Variants in TRERF1 observed in about 807,000 individuals in gnomAD.
TRERF1 encodes transcriptional regulating factor 1.
In TRERF1, 27 loss-of-function variants were observed where a neutral mutation model predicts 122.9. That is an observed-to-expected ratio of 0.22 (90% CI 0.16 to 0.30). The LOEUF (loss-of-function observed/expected upper bound fraction) is 0.30. Among genes scored for constraint, TRERF1 ranks in the 10% least tolerant of loss-of-function variants. The pLI, the probability that TRERF1 is intolerant of heterozygous loss-of-function variation, is 1.00. For synonymous variants in TRERF1, 636 were observed against 641.7 expected, an observed-to-expected ratio of 0.99 and a Z score of 0.13; for missense variants, 1,248 against 1,560.3, an observed-to-expected ratio of 0.80 and a Z score of 3.37.
intron 3 of TRERF1, among the ~76,000 whole-genome samples, chr6:42,332,399 T>C (rs933682407): frequency 5.3e-5 from 8 of 151,996 alleles, no homozygotes; most frequent in Admixed American, 2.0e-4. Context: ...GAAAACAGAC[T>C]AGCTATTACA....
At chr6:42,257,983 T>G in intron 10 of TRERF1, 152 bp downstream of exon 10, 1 of 634,138 alleles carries the variant, frequency 1.6e-6, no homozygotes, top group Non-Finnish European at 2.7e-6. Context: ...TGGCAACCAT[T>G]GTGCAGGGAA....
chr6:42,412,128 G>C (rs1019791069), intron 2 of TRERF1, among the ~76,000 whole-genome samples: 2 of 150,240 alleles, frequency 1.3e-5, no homozygotes, highest in Admixed American at 6.7e-5. Context: ...AGCCTCCCAA[G>C]TAGCTGGGAT....
intron 2 of TRERF1, among the ~76,000 whole-genome samples, chr6:42,392,203 G>A (rs376154682): frequency 3.2e-4 from 48 of 152,306 alleles, no homozygotes; most frequent in Middle Eastern, 3.4e-3. Flanking sequence ...ACATGGCAGG[G>A]GTGTGATGCC....
rs1349815333 is a variant in TRERF1, at chr6:42,412,643, G to A, written c.-454+38534C>T. 2.6e-5 allele frequency among the ~76,000 whole-genome samples: 4 copies of A among 152,300 alleles called. No individual in the cohort carries two copies. The East Asian group carries it at 5.8e-4, about 22-fold the overall frequency. On this transcript the variant is annotated intron_variant, in intron 2 of 17. Coordinates refer to ENST00000372922, the Ensembl canonical transcript of TRERF1. Reference sequence around the variant, plus strand: ...AATGGACCTACAAAGTCAGCTCAGTGGTGGGGCATGACGGCTCATGCCTGT... The same window carrying A: ...AATGGACCTACAAAGTCAGCTCAGTAGTGGGGCATGACGGCTCATGCCTGT...
chr6:42,428,808 G>A (rs1414151258), intron 2 of TRERF1, among the ~76,000 whole-genome samples: 1 of 152,216 alleles, frequency 6.6e-6, no homozygotes. Flanking sequence ...AGAATGCTGG[G>A]AGGAGTCTAA....
At chr6:42,358,847 A>C (rs1302165458) in intron 3 of TRERF1, among the ~76,000 whole-genome samples, 1 of 141,916 alleles carries the variant, frequency 7.0e-6, no homozygotes, top group Non-Finnish European at 1.5e-5. Context: ...TTTGAGAACC[A>C]CTAGTTTACA....
At chr6:42,303,211 A>C (rs553276179) in intron 3 of TRERF1, among the ~76,000 whole-genome samples, 2 of 152,338 alleles carry the variant, frequency 1.3e-5, no homozygotes, top group African/African-American at 4.8e-5. Flanking sequence ...GAGTGAGACC[A>C]GTGTGTTCCC....
intron 2 of TRERF1, among the ~76,000 whole-genome samples, chr6:42,428,581 T>C (rs878970805): frequency 6.6e-6 from 1 of 152,214 alleles, no homozygotes; most frequent in Non-Finnish European, 1.5e-5. Flanking sequence ...TGACAGTCTG[T>C]CAATAATTCT....
At chr6:42,315,049 G>C (rs1762263045) in intron 3 of TRERF1, among the ~76,000 whole-genome samples, 1 of 152,206 alleles carries the variant, frequency 6.6e-6, no homozygotes, top group Non-Finnish European at 1.5e-5. Flanking sequence ...AGCGAGTGCA[G>C]TGGCTCTGGC....
intron 12 of TRERF1, 53 bp downstream of exon 12, chr6:42,256,675 T>G: frequency 2.6e-6 from 4 of 1,536,182 alleles, no homozygotes; most frequent in Non-Finnish European, 3.6e-6. Flanking sequence ...ATATTGAAAC[T>G]TGGGAAAATA....
intron 2 of TRERF1, among the ~76,000 whole-genome samples, chr6:42,386,351 G>A (rs980981163): frequency 6.6e-6 from 1 of 152,204 alleles, no homozygotes; most frequent in Non-Finnish European, 1.5e-5. Context: ...ACTGAGGCAG[G>A]AGAATCGCTT....
chr6:42,242,480 T>A (rs1251809457), intron 15 of TRERF1, among the ~76,000 whole-genome samples: 1 of 152,230 alleles, frequency 6.6e-6, no homozygotes, highest in Non-Finnish European at 1.5e-5. Context: ...GACATAATTT[T>A]TATATACACA....
chr6:42,306,062 C>T (rs560597572), intron 3 of TRERF1, among the ~76,000 whole-genome samples: 3 of 127,908 alleles, frequency 2.3e-5, no homozygotes, highest in South Asian at 5.1e-4. Context: ...AGTGCAGTGG[C>T]GCGATCTCGG....
intron 2 of TRERF1, among the ~76,000 whole-genome samples, chr6:42,435,605 G>T (rs943698011): frequency 6.6e-6 from 1 of 151,994 alleles, no homozygotes; most frequent in African/African-American, 2.4e-5. Flanking sequence ...TATGTACAAG[G>T]ATATTTATCA....
At chr6:42,345,137 T>C (rs1768025204) in intron 3 of TRERF1, among the ~76,000 whole-genome samples, 1 of 152,364 alleles carries the variant, frequency 6.6e-6, no homozygotes, top group South Asian at 2.1e-4. Context: ...TGTCTGAGCA[T>C]GTGTGAGTGG....
At chr6:42,409,987 A>AATTC (rs1292884985) in intron 2 of TRERF1, among the ~76,000 whole-genome samples, 1 of 152,140 alleles carries the variant, frequency 6.6e-6, no homozygotes, top group Non-Finnish European at 1.5e-5. Flanking sequence ...ACTGAGACCA[A>AATTC]ATTCATTCAT....
chr6:42,228,216 C>A lies in TRERF1; in HGVS notation c.*129G>T. ...AGAAATAGGATTTTTTTTTCTAAACCTGAATAAAATGACCACTTTTAAAAC... is the reference window on the plus strand; with the variant it reads ...AGAAATAGGATTTTTTTTTCTAAACATGAATAAAATGACCACTTTTAAAAC... On this transcript the variant is annotated 3_prime_UTR_variant, in exon 18 of 18. Coordinates refer to ENST00000372922, the Ensembl canonical transcript of TRERF1. This position sits in a 1 kb window ranked among gnomAD's most constrained non-coding sequence, Gnocchi z 4.2. 2 of 803,160 alleles carry A rather than the reference C, an allele frequency of 2.5e-6. No individual in the cohort carries two copies. Among genetic ancestry groups the A allele is most frequent in the Non-Finnish European group, 3.5e-6 (2 of 565,210 alleles). The allele number at this position is 803,160 out of a possible 1,614,324, so 49.8% of individuals were successfully genotyped here.
intron 13 of TRERF1, among the ~76,000 whole-genome samples, chr6:42,251,186 G>A (rs1775739476): frequency 6.6e-6 from 1 of 151,596 alleles, no homozygotes; most frequent in African/African-American, 2.4e-5. Context: ...AGTACAGATG[G>A]GGTTTCACCA....
chr6:42,230,458 G>T (rs1169963985), intron 17 of TRERF1, among the ~76,000 whole-genome samples: 1 of 152,108 alleles, frequency 6.6e-6, no homozygotes, highest in Admixed American at 6.5e-5. Context: ...CCACCTGGTG[G>T]AATGTAGCGT....
Sources: gnomAD v4.1 joint callset for allele counts (sites outside exome capture counted in the v4.1 genomes callset) on GRCh38, gnomAD v4.1.1 for gene constraint, Gnocchi (gnomAD v3.1) non-coding constraint, MANE v1.5 for transcripts, NCBI Gene and HGNC (gene_info 2026-07-23, HGNC 2026-07-21) for gene names.